CERT1: variants seen among roughly 807,000 people sequenced by gnomAD.
The protein encoded by CERT1 is ceramide transfer protein.
CERT1 carries 31 observed loss-of-function variants against 87.9 expected under a neutral mutation model. The ratio of observed to expected loss-of-function variants is 0.35; its 90% CI spans 0.27 to 0.48. The LOEUF (loss-of-function observed/expected upper bound fraction) is 0.48. Ranked by LOEUF, CERT1 falls within the 20% of genes least tolerant of loss-of-function variation. The probability of loss-of-function intolerance (pLI) is 0.99; values close to 1 mark genes in which losing one functional copy is unlikely to be tolerated. For missense variants in CERT1, 487 were observed against 758.0 expected, an observed-to-expected ratio of 0.64 and a Z score of 4.20; for synonymous variants, 289 against 250.9, an observed-to-expected ratio of 1.15 and a Z score of -1.44.
At chr5:75,408,718 T>C (rs550638841) in intron 8 of CERT1, among the ~76,000 whole-genome samples, 1 of 152,226 alleles carries the variant, frequency 6.6e-6, no homozygotes, top group Non-Finnish European at 1.5e-5. Flanking sequence ...AAGCCCAATC[T>C]CTGCCAGTAC....
intron 2 of CERT1, among the ~76,000 whole-genome samples, chr5:75,488,317 CCTA>C (rs1456825911): frequency 6.6e-6 from 1 of 151,888 alleles, no homozygotes. Flanking sequence ...CCCATTAATA[CCTA>C]CTATGTACTC....
intron 3 of CERT1, among the ~76,000 whole-genome samples, chr5:75,429,657 C>T (rs941203778): frequency 1.3e-5 from 2 of 151,846 alleles, no homozygotes; most frequent in African/African-American, 4.8e-5. Context: ...ATACTGAAGC[C>T]TAGGTGACAG....
At chr5:75,465,755 T>C (rs1765428680) in intron 2 of CERT1, among the ~76,000 whole-genome samples, 1 of 152,230 alleles carries the variant, frequency 6.6e-6, no homozygotes, top group Non-Finnish European at 1.5e-5. Flanking sequence ...ATTCTCCTGC[T>C]GCCAGCACTA....
chr5:75,466,203 A>AT (rs967563462), intron 2 of CERT1, among the ~76,000 whole-genome samples: 15 of 152,290 alleles, frequency 9.8e-5, no homozygotes, highest in Middle Eastern at 6.8e-3. Flanking sequence ...TTAGATAAGG[A>AT]TTAGAAGCCA....
chr5:75,425,939 T>C (rs995503148), intron 4 of CERT1, among the ~76,000 whole-genome samples: 10 of 152,216 alleles, frequency 6.6e-5, no homozygotes, highest in African/African-American at 2.4e-4. Context: ...TTTGATCATA[T>C]AGACACTTTT....
intron 2 of CERT1, among the ~76,000 whole-genome samples, chr5:75,502,936 A>G (rs1185857903): frequency 6.6e-6 from 1 of 152,062 alleles, no homozygotes; most frequent in Non-Finnish European, 1.5e-5. Flanking sequence ...GTCTTTCTAC[A>G]AACACTTATT....
At position 75,396,782 on chromosome 5, in the gene CERT1, A is replaced by G. The variant is rs562842708; in HGVS notation, c.1188+2528T>C. Among the ~76,000 whole-genome samples the G allele has an allele frequency of 1.1e-4, 17 of 152,146 alleles. No homozygotes were observed. In the East Asian group the frequency reaches 3.1e-3, roughly 28 times the overall value. Reference sequence around the variant, plus strand: ...AAAGACCGATGCAATGTAATATAACATAAGTGTTTCTAATGTTAATGAATA... The same window carrying G: ...AAAGACCGATGCAATGTAATATAACGTAAGTGTTTCTAATGTTAATGAATA... On this transcript the variant is annotated intron_variant, in intron 11 of 16. Transcript: ENST00000643780.
At chr5:75,502,124 G>C (rs1237385808) in intron 2 of CERT1, among the ~76,000 whole-genome samples, 1 of 150,736 alleles carries the variant, frequency 6.6e-6, no homozygotes, top group Non-Finnish European at 1.5e-5. Context: ...AAGCCAAAAA[G>C]GAAAGAAAAA....
At chr5:75,488,998 ATAC>A (rs569192571) in intron 2 of CERT1, among the ~76,000 whole-genome samples, 151 of 152,322 alleles carry the variant, frequency 9.9e-4, no homozygotes, top group Middle Eastern at 3.4e-3. Flanking sequence ...ACTTCAAACT[ATAC>A]TACAAGGCTA....
At chr5:75,373,912 A>AT (rs886604553), downstream of CERT1, 123 of 390,866 alleles carry the variant, frequency 3.1e-4, no homozygotes, top group East Asian at 4.4e-4. Context: ...TTCAAAGTTG[A>AT]TTTTTTTTTC....
chr5:75,417,175 A>C (rs1051956776), intron 6 of CERT1, 142 bp from the exon 7 acceptor site: 4 of 620,026 alleles, frequency 6.5e-6, no homozygotes, highest in African/African-American at 1.9e-5. Flanking sequence ...CAACATTTAA[A>C]AATCTCCTAT....
chr5:75,374,904 C>G, downstream of CERT1: 1 of 353,374 alleles, frequency 2.8e-6, no homozygotes, highest in South Asian at 2.3e-5. Context: ...GTATCTGTGC[C>G]ACCTAGGGTG....
At position 75,458,714 on chromosome 5, in the gene CERT1, G is replaced by A. The variant is rs529408048; in HGVS notation, c.348+351C>T. Among the ~76,000 whole-genome samples, 11 of 152,164 alleles carry A rather than the reference G, an allele frequency of 7.2e-5. No homozygotes were observed. The East Asian group carries it at 1.9e-3, about 27-fold the overall frequency. On this transcript the variant is annotated intron_variant, in intron 3 of 16. Coordinates refer to ENST00000643780, the MANE Select transcript of CERT1 (RefSeq NM_001379029.1). ...TTACAGGTGCTCACCACTAAGCACG[G>A]CTAATTTTTGTATTTTTAGTAGAAA...
At chr5:75,420,896 C>T (rs1763350423) in intron 5 of CERT1, among the ~76,000 whole-genome samples, 1 of 152,164 alleles carries the variant, frequency 6.6e-6, no homozygotes, top group Admixed American at 6.5e-5. Flanking sequence ...AATCTCAGCT[C>T]ACTGCAACCT....
At chr5:75,374,705 A>G, downstream of CERT1, 1 of 604,762 alleles carries the variant, frequency 1.7e-6, no homozygotes, top group South Asian at 1.4e-5. Flanking sequence ...GCAACTCACA[A>G]CAAAGTAGTC....
chr5:75,447,929 C>T lies in CERT1; in HGVS notation c.348+11136G>A, dbSNP rs191775566. On this transcript the variant is annotated intron_variant, in intron 3 of 16. Transcript: ENST00000643780. ...AGATGGGACTACAGGCATGTGCCAT[C>T]ATGCCCGGCTTGTATTTTCTTACTT... 4.6e-5 allele frequency among the ~76,000 whole-genome samples: 7 copies of T among 152,312 alleles called. No homozygotes were observed. In the East Asian group the frequency reaches 1.4e-3, roughly 29 times the overall value.
At chr5:75,407,285 T>C (rs982148355) in intron 8 of CERT1, among the ~76,000 whole-genome samples, 7 of 152,004 alleles carry the variant, frequency 4.6e-5, no homozygotes, top group African/African-American at 1.7e-4. Flanking sequence ...TTAATATATT[T>C]AGAAGAGACC....
chr5:75,387,151 G>A (rs1240672078), intron 12 of CERT1, among the ~76,000 whole-genome samples: 1 of 152,088 alleles, frequency 6.6e-6, no homozygotes, highest in Middle Eastern at 3.2e-3. Flanking sequence ...TTACAGGTAT[G>A]AGCCACTGCC....
intron 5 of CERT1, among the ~76,000 whole-genome samples, chr5:75,420,329 G>A (rs1307647490): frequency 1.3e-5 from 2 of 150,216 alleles, no homozygotes; most frequent in East Asian, 4.0e-4. Context: ...ATAATGACTT[G>A]CAGATATGAT....
Sources: gnomAD v4.1 joint callset for allele counts (sites outside exome capture counted in the v4.1 genomes callset) on GRCh38, gnomAD v4.1.1 for gene constraint, MANE v1.5 for transcripts, NCBI Gene and HGNC (gene_info 2026-07-23, HGNC 2026-07-21) for gene names.